The following LRP1B variants were observed in gnomAD, a reference collection of about 807,000 sequenced individuals.
LRP1B encodes low-density lipoprotein receptor-related protein 1B.
Under a neutral mutation model 556.6 loss-of-function variants are expected in LRP1B, and 217 were observed. The observed-to-expected ratio is 0.39, with a 90% CI of 0.35 to 0.44. The LOEUF is 0.44. LRP1B is among the 20% of genes least tolerant of loss of function. The probability of loss-of-function intolerance (pLI) is 1.00; values close to 1 mark genes in which losing one functional copy is unlikely to be tolerated. For synonymous variants in LRP1B, 2,047 were observed against 1,865.8 expected (o/e 1.10, Z -2.50); for missense variants, 5,053 against 5,620.8 (o/e 0.90, Z 3.23).
intron 1 of LRP1B, among the ~76,000 whole-genome samples, chr2:141,816,010 A>G (rs1386097634): frequency 1.3e-5 from 2 of 152,264 alleles, no homozygotes; most frequent in Non-Finnish European, 2.9e-5. Context: ...ACTTTCTAAT[A>G]GCAATGAGGA....
chr2:141,063,940 T>C (rs1157689486), intron 7 of LRP1B, among the ~76,000 whole-genome samples: 1 of 151,882 alleles, frequency 6.6e-6, no homozygotes, highest in African/African-American at 2.4e-5. Context: ...TTAGATAGCA[T>C]TATGAAGCAG....
chr2:140,940,949 G>A (rs1192313633), intron 20 of LRP1B, among the ~76,000 whole-genome samples: 2 of 152,064 alleles, frequency 1.3e-5, no homozygotes, highest in Admixed American at 1.3e-4. Flanking sequence ...GACTTTTTAA[G>A]TGATCACCAT....
intron 83 of LRP1B, among the ~76,000 whole-genome samples, chr2:140,308,584 G>A (rs563355900): frequency 6.6e-6 from 1 of 151,860 alleles, no homozygotes; most frequent in East Asian, 1.9e-4. Context: ...TCAGTCTGGT[G>A]CTTTCAAATT....
At chr2:140,584,075 G>A (rs567960648) in intron 43 of LRP1B, among the ~76,000 whole-genome samples, 12 of 151,924 alleles carry the variant, frequency 7.9e-5, no homozygotes, top group African/African-American at 2.9e-4. Flanking sequence ...CATTTTAAAT[G>A]TTCTCAGAGA....
At chr2:141,107,123 T>C (rs887474783) in intron 7 of LRP1B, among the ~76,000 whole-genome samples, 20 of 152,114 alleles carry the variant, frequency 1.3e-4, no homozygotes, top group Non-Finnish European at 2.9e-4. Flanking sequence ...GTCTTCCTTA[T>C]GTGATTTATA....
intron 1 of LRP1B, among the ~76,000 whole-genome samples, chr2:142,089,032 G>C (rs867999045): frequency 7.4e-5 from 11 of 148,700 alleles, no homozygotes; most frequent in African/African-American, 2.7e-4. Context: ...ATACATAAAC[G>C]CATTATTTTT....
At chr2:141,586,786 C>CA (rs905901377) in intron 2 of LRP1B, among the ~76,000 whole-genome samples, 1 of 151,754 alleles carries the variant, frequency 6.6e-6, no homozygotes, top group Non-Finnish European at 1.5e-5. Context: ...ACTAAAAACA[C>CA]AAAAAATTAG....
At chr2:141,781,183 C>G (rs1276724069) in intron 2 of LRP1B, among the ~76,000 whole-genome samples, 1 of 152,102 alleles carries the variant, frequency 6.6e-6, no homozygotes, top group Non-Finnish European at 1.5e-5. Flanking sequence ...GAGGTAAGCC[C>G]TGCACCCAGT....
intron 18 of LRP1B, among the ~76,000 whole-genome samples, chr2:140,957,749 C>G (rs1465248448): frequency 3.3e-5 from 5 of 151,412 alleles, no homozygotes; most frequent in Non-Finnish European, 7.4e-5. Flanking sequence ...TGTAATCTAT[C>G]TAGATGCCTG....
chr2:140,912,490 A>C lies in LRP1B; in HGVS notation c.3320-4413T>G, dbSNP rs187357060. Among the ~76,000 whole-genome samples the C allele has an allele frequency of 5.3e-4, 80 of 151,842 alleles. 1 individual carries two copies. In the East Asian group the frequency reaches 9.5e-3, roughly 18 times the overall value. The stretch of plus-strand genomic sequence containing the variant: ...AAAAATCTTTAAAATAAAGTTTTTT[A>C]AATGTGCATGAGTAATTCAAGTAAC... On this transcript the variant is annotated intron_variant, in intron 21 of 90. Coordinates refer to ENST00000389484, the MANE Select transcript of LRP1B (RefSeq NM_018557.3).
intron 7 of LRP1B, among the ~76,000 whole-genome samples, chr2:141,124,478 C>A (rs1436427582): frequency 6.6e-6 from 1 of 151,984 alleles, no homozygotes; most frequent in Non-Finnish European, 1.5e-5. Context: ...TACTTCTTGT[C>A]ATTTTTCTAC....
intron 70 of LRP1B, 24 bp from the exon 71 acceptor site, chr2:140,370,866 G>T (rs1682963899): frequency 6.2e-7 from 1 of 1,609,662 alleles, no homozygotes; most frequent in Non-Finnish European, 8.5e-7. Context: ...AATGGACACT[G>T]CAGTTTTCAT....
chr2:141,011,690 A>G (rs1231978333), intron 14 of LRP1B, among the ~76,000 whole-genome samples: 3 of 152,066 alleles, frequency 2.0e-5, no homozygotes, highest in African/African-American at 4.8e-5. Context: ...GTTGAAAAAG[A>G]ATTTAGTAAT....
At chr2:142,128,230 G>A (rs1707725402) in intron 1 of LRP1B, among the ~76,000 whole-genome samples, 1 of 152,088 alleles carries the variant, frequency 6.6e-6, no homozygotes, top group African/African-American at 2.4e-5. Flanking sequence ...ACAGCTAGAA[G>A]GTAATACAAA....
At chr2:140,404,111 G>C (rs1373543310) in intron 66 of LRP1B, among the ~76,000 whole-genome samples, 1 of 149,872 alleles carries the variant, frequency 6.7e-6, no homozygotes, top group African/African-American at 2.5e-5. Context: ...TACAAGAAAT[G>C]CTAAAAAGAA....
At position 140,702,126 on chromosome 2, in the gene LRP1B, G is replaced by C. The variant is rs1051165827; in HGVS notation, c.6302+15C>G. The C allele has an allele frequency of 6.2e-7, 1 of 1,610,432 alleles. No homozygotes were observed. The highest frequency in any genetic ancestry group is 1.1e-5 in the South Asian group (1 of 90,696). ...AACATTTTGAGACTCAAATACTTAT[G>C]AAAAAATAAATTACCTGTCAGACCA... On this transcript the variant is annotated intron_variant, in intron 39 of 90. Transcript: ENST00000389484.
intron 2 of LRP1B, among the ~76,000 whole-genome samples, chr2:141,553,212 G>A (rs1228764280): frequency 1.3e-5 from 2 of 151,826 alleles, no homozygotes; most frequent in African/African-American, 4.8e-5. Flanking sequence ...AAGAGATAAG[G>A]AAGAGGGCGT....
At chr2:140,521,540 G>A (rs1690174124) in intron 49 of LRP1B, among the ~76,000 whole-genome samples, 1 of 151,972 alleles carries the variant, frequency 6.6e-6, no homozygotes, top group East Asian at 1.9e-4. Context: ...GCCTGAGGGG[G>A]TTCTTTGAAT....
intron 3 of LRP1B, among the ~76,000 whole-genome samples, chr2:141,315,819 G>C (rs1687008428): frequency 7.3e-6 from 1 of 136,116 alleles, no homozygotes; most frequent in South Asian, 2.4e-4. Flanking sequence ...GGGATTACCT[G>C]ATACTGCAAA....
Sources: allele counts gnomAD v4.1 joint callset (sites outside exome capture counted in the v4.1 genomes callset), GRCh38; gene constraint gnomAD v4.1.1; transcripts MANE v1.5; gene names NCBI Gene and HGNC (gene_info 2026-07-23, HGNC 2026-07-21).